Variants in NUP107 observed in about 807,000 individuals in gnomAD.
NUP107 encodes nuclear pore complex protein Nup107.
Under a neutral mutation model 141.0 loss-of-function variants are expected in NUP107, and 101 were observed. The ratio of observed to expected loss-of-function variants is 0.72; its 90% CI spans 0.61 to 0.84. The LOEUF (loss-of-function observed/expected upper bound fraction) is 0.84, where lower values mean the gene tolerates loss of function less well. NUP107 is among the 40% of genes least tolerant of loss of function. NUP107 has a pLI of 0.00. For missense variants in NUP107, 941 were observed against 1,102.7 expected (o/e 0.85, Z 2.08); for synonymous variants, 319 against 363.9 (o/e 0.88, Z 1.41).
rs746378165 is a variant in NUP107, at chr12:68,688,996, C to T, written c.43C>T (p.Arg15Trp). The change falls in exon 2 of 28, where the codon CGG (arginine) becomes TGG (tryptophan). Residue 15 changes from arginine to tryptophan, a missense_variant. Physicochemically the swap from Arg to Trp is moderately radical, Grantham distance 101. Coordinates refer to ENST00000229179, the MANE Select transcript of NUP107 (RefSeq NM_020401.4). ...GFGEISSPVI[R>W]EAEVTRTARK... ...TGGAGAGATATCATCCCCTGTAATC[C>T]GGGAGGCAGAGGTGACACGGACTGC... The T allele has an allele frequency of 6.2e-6, 10 of 1,613,456 alleles. No individual in the cohort carries two copies. Among genetic ancestry groups the T allele is most frequent in the African/African-American group, 1.3e-5 (1 of 74,992 alleles).
At chr12:68,720,048 T>G (rs987166158) in intron 14 of NUP107, among the ~76,000 whole-genome samples, 4 of 152,202 alleles carry the variant, frequency 2.6e-5, no homozygotes, top group Non-Finnish European at 5.9e-5. Flanking sequence ...GTCTACCAGG[T>G]TGGAGTAGAA....
At chr12:68,729,388 A>G (rs546154444) in intron 20 of NUP107, among the ~76,000 whole-genome samples, 14 of 152,280 alleles carry the variant, frequency 9.2e-5, no homozygotes, top group African/African-American at 3.1e-4. Context: ...AAGTGATAAA[A>G]TAGACCAGAA....
intron 10 of NUP107, among the ~76,000 whole-genome samples, chr12:68,711,700 GA>G (rs1311568179): frequency 5.3e-5 from 8 of 152,252 alleles, no homozygotes; most frequent in Admixed American, 1.3e-4. Flanking sequence ...AAACAAACTG[GA>G]ATGACCCAGA....
At chr12:68,708,390 A>T (rs1238214022) in intron 8 of NUP107, among the ~76,000 whole-genome samples, 1 of 152,160 alleles carries the variant, frequency 6.6e-6, no homozygotes, top group Non-Finnish European at 1.5e-5. Flanking sequence ...TTAATTAATT[A>T]ATTTGACCCA....
chr12:68,688,721 T>C (rs1033815969), intron 1 of NUP107, among the ~76,000 whole-genome samples: 1 of 152,110 alleles, frequency 6.6e-6, no homozygotes, highest in Non-Finnish European at 1.5e-5. Flanking sequence ...TAGGAGAAAA[T>C]AACATAGTGA....
Position 68,693,177 on chromosome 12 carries a change from A to C in NUP107, c.448+1065A>C, listed in dbSNP as rs145451905. 2.6e-3 allele frequency among the ~76,000 whole-genome samples: 393 copies of C among 151,870 alleles called. 1 individual carries two copies. The highest frequency in any genetic ancestry group is 8.3e-3 in the African/African-American group (342 of 41,380). On this transcript the variant is annotated intron_variant, in intron 5 of 27. Coordinates refer to ENST00000229179, the MANE Select transcript of NUP107 (RefSeq NM_020401.4). ...ACTGCAACCTCTACCTGCTGTATTC[A>C]AGTGATTCTCCTGCCTCAGTCTCCT...
intron 22 of NUP107, among the ~76,000 whole-genome samples, chr12:68,732,296 G>C (rs1877863757): frequency 6.6e-6 from 1 of 151,954 alleles, no homozygotes; most frequent in Non-Finnish European, 1.5e-5. Context: ...CACCATGCCT[G>C]GCTAATTTTT....
In NUP107 at chr12:68,742,484, A is replaced by G. The variant is rs781330635; in HGVS notation, c.*22A>G. ...ATAGTTTAATCTTTGTAATCTCACT[A>G]ATTTTCATGATAAATGAAGTTTTTA... On this transcript the variant is annotated 3_prime_UTR_variant, in exon 28 of 28. Coordinates refer to ENST00000229179, the MANE Select transcript of NUP107 (RefSeq NM_020401.4). 8.0e-7 allele frequency: 1 copy of G among 1,249,168 alleles called. No homozygotes were observed. The highest frequency in any genetic ancestry group is 1.1e-6 in the Non-Finnish European group (1 of 888,874). 77.4% of individuals were successfully genotyped at this position (1,249,168 alleles called of 1,614,324 possible).
Position 68,744,100 on chromosome 12 carries a change from C to T in NUP107, c.*1638C>T, listed in dbSNP as rs1324218484. The T allele has an allele frequency of 6.6e-6, 1 of 152,134 alleles. No individual in the cohort carries two copies. The highest frequency in any genetic ancestry group is 1.5e-5 in the Non-Finnish European group (1 of 68,014). 9.4% of individuals were successfully genotyped at this position (152,134 alleles called of 1,614,324 possible). ...GGTGACTATTTCCAAAGACTGTTAC[C>T]TATTTGTTGAACAACAGTGGGAAAA... On this transcript the variant is annotated 3_prime_UTR_variant, in exon 28 of 28. Transcript: ENST00000229179.
chr12:68,689,093 CAT>C (rs773393313), intron 2 of NUP107, 40 bp downstream of exon 2: 8 of 1,487,596 alleles, frequency 5.4e-6, no homozygotes, highest in Admixed American at 1.7e-5. Context: ...AAAATTGTAA[CAT>C]GTTTGGAATC....
At chr12:68,697,285 A>G (rs574276185) in intron 6 of NUP107, among the ~76,000 whole-genome samples, 5 of 152,094 alleles carry the variant, frequency 3.3e-5, no homozygotes, top group African/African-American at 1.2e-4. Flanking sequence ...TTTGCCAAGC[A>G]TGGTGCTATG....
intron 6 of NUP107, 93 bp downstream of exon 6, chr12:68,697,015 T>C: frequency 1.5e-6 from 1 of 680,854 alleles, no homozygotes; most frequent in Non-Finnish European, 2.4e-6. Context: ...TTAAGGGAGG[T>C]GTCTTAGGGG....
intron 26 of NUP107, among the ~76,000 whole-genome samples, chr12:68,736,717 CT>C (rs10713889): frequency 0.067 from 7,088 of 105,820 alleles, 246 homozygotes; most frequent in African/African-American, 0.19. Flanking sequence ...GTGTCGCCAC[CT>C]TTTTTTTTTT....
At chr12:68,723,898 A>G (rs1359314373) in intron 17 of NUP107, among the ~76,000 whole-genome samples, 1 of 152,170 alleles carries the variant, frequency 6.6e-6, no homozygotes. Flanking sequence ...ATTATTATAT[A>G]GGAGCACTTG....
intron 10 of NUP107, among the ~76,000 whole-genome samples, chr12:68,711,475 G>T (rs988338413): frequency 6.6e-6 from 1 of 151,634 alleles, no homozygotes; most frequent in Non-Finnish European, 1.5e-5. Context: ...GGCAGAGCTT[G>T]CAGTGAGCCA....
intron 7 of NUP107, among the ~76,000 whole-genome samples, chr12:68,701,326 G>A (rs1041824367): frequency 6.6e-6 from 1 of 152,132 alleles, no homozygotes. Flanking sequence ...TACTACTAAG[G>A]AATTGGCTAA....
chr12:68,734,297 CAAAA>C (rs575961353), intron 24 of NUP107, among the ~76,000 whole-genome samples: 3 of 148,486 alleles, frequency 2.0e-5, no homozygotes, highest in Non-Finnish European at 1.5e-5. Context: ...GTCTCAAAAA[CAAAA>C]AAAAAATTTT....
intron 8 of NUP107, among the ~76,000 whole-genome samples, chr12:68,703,472 A>G (rs1327693168): frequency 1.3e-5 from 2 of 151,566 alleles, no homozygotes; most frequent in East Asian, 1.9e-4. Context: ...TTTTTTTGAA[A>G]TGAAGTTTCA....
intron 24 of NUP107, among the ~76,000 whole-genome samples, chr12:68,734,138 A>G (rs1877963993): frequency 6.6e-6 from 1 of 152,136 alleles, no homozygotes; most frequent in African/African-American, 2.4e-5. Flanking sequence ...TTAGCCAGGC[A>G]TGGTAGCATG....
Sources: gnomAD v4.1 joint callset for allele counts (sites outside exome capture counted in the v4.1 genomes callset) on GRCh38, gnomAD v4.1.1 for gene constraint, MANE v1.5 for transcripts, NCBI Gene and HGNC (gene_info 2026-07-23, HGNC 2026-07-21) for gene names.